Variants in LRTM3 observed in about 807,000 individuals in gnomAD.
LRTM3 encodes the protein leucine-rich repeat transmembrane protein 3.
the LRTM3 span, chr13:102,735,220 T>G: frequency 6.4e-7 from 1 of 1,551,372 alleles, no homozygotes; most frequent in Non-Finnish European, 8.7e-7. Context: ...TCAAATACAT[T>G]TTGTTGGGAT....
At chr13:102,743,707 A>G in the LRTM3 span, 2 of 1,549,116 alleles carry the variant, frequency 1.3e-6, no homozygotes, top group African/African-American at 2.8e-5. Flanking sequence ...TGTTGGATAC[A>G]GTTTTTAAAT....
At chr13:102,758,404 A>G in the LRTM3 span, 1 of 1,516,276 alleles carries the variant, frequency 6.6e-7, no homozygotes, top group Non-Finnish European at 8.9e-7. Context: ...GTGATATATC[A>G]CATACCTTTC....
chr13:102,736,996 A>T, the LRTM3 span: 1 of 1,551,146 alleles, frequency 6.4e-7, no homozygotes, highest in Non-Finnish European at 8.7e-7. Context: ...GTATTGTCAG[A>T]AACACATCCA....
chr13:102,740,531 C>A, the LRTM3 span: 6 of 1,549,508 alleles, frequency 3.9e-6, no homozygotes, highest in Non-Finnish European at 5.2e-6. Flanking sequence ...CCATTTTTGG[C>A]CTGTTTTGAG....
the LRTM3 span, chr13:102,738,426 T>A: frequency 6.4e-7 from 1 of 1,550,872 alleles, no homozygotes; most frequent in South Asian, 1.2e-5. Context: ...GGAGAAGGAA[T>A]GGAAGCGCAG....
chr13:102,735,664 T>C, the LRTM3 span: 1 of 1,551,332 alleles, frequency 6.4e-7, no homozygotes, highest in East Asian at 2.4e-5. Context: ...CTTTCTCTTC[T>C]CCCTGTGCTG....
chr13:102,757,272 A>C, the LRTM3 span, among the ~76,000 whole-genome samples: 1 of 152,248 alleles, frequency 6.6e-6, no homozygotes, highest in Admixed American at 6.5e-5. Flanking sequence ...TACCCAATAC[A>C]ACAATATAGC....
the LRTM3 span, chr13:102,730,848 C>T: frequency 6.4e-7 from 1 of 1,551,414 alleles, no homozygotes; most frequent in Non-Finnish European, 8.7e-7. Flanking sequence ...TATTGTAAAT[C>T]AAGATCTATT....
At chr13:102,742,457 G>T in the LRTM3 span, 1 of 1,548,552 alleles carries the variant, frequency 6.5e-7, no homozygotes, top group East Asian at 2.4e-5. Flanking sequence ...ATCTGCCCTT[G>T]TTTTCCAGTC....
the LRTM3 span, chr13:102,730,988 C>G: frequency 3.2e-6 from 5 of 1,551,466 alleles, no homozygotes; most frequent in Non-Finnish European, 4.4e-6. Flanking sequence ...ATAAGATTCT[C>G]TTACAATTCT....
the LRTM3 span, chr13:102,738,389 C>T: frequency 6.4e-7 from 1 of 1,550,802 alleles, no homozygotes; most frequent in African/African-American, 1.4e-5. Context: ...TGCTTTTTCT[C>T]TCCTTGTATC....
At chr13:102,730,497 C>T in the LRTM3 span, 2 of 1,551,408 alleles carry the variant, frequency 1.3e-6, no homozygotes, top group African/African-American at 1.4e-5. Context: ...TGAAACCATA[C>T]ATGATATTGT....
chr13:102,732,280 G>A, the LRTM3 span: 1 of 1,551,340 alleles, frequency 6.4e-7, no homozygotes, highest in Non-Finnish European at 8.7e-7. Flanking sequence ...ATATTCCTGA[G>A]ACATCTTTAC....
At chr13:102,749,232 G>T in the LRTM3 span, 1 of 1,550,604 alleles carries the variant, frequency 6.4e-7, no homozygotes, top group Non-Finnish European at 8.7e-7. Context: ...GGAACATTAA[G>T]ACTGAGTTTG....
the LRTM3 span, chr13:102,734,730 C>T: frequency 6.4e-7 from 1 of 1,550,944 alleles, no homozygotes; most frequent in Non-Finnish European, 8.7e-7. Context: ...ATTTCATTAC[C>T]TAAATGTGTT....
At chr13:102,732,064 T>C in the LRTM3 span, 2 of 1,551,422 alleles carry the variant, frequency 1.3e-6, no homozygotes, top group South Asian at 1.2e-5. Context: ...GTTTGTCCAC[T>C]GCAAAGGGCT....
chr13:102,737,942 TC>T, the LRTM3 span: 1 of 1,551,150 alleles, frequency 6.4e-7, no homozygotes. Context: ...TTTCCCTTGC[TC>T]TATGCCTACT....
the LRTM3 span, chr13:102,743,967 C>A: frequency 3.2e-5 from 49 of 1,550,394 alleles, no homozygotes; most frequent in Non-Finnish European, 4.2e-5. Context: ...ATATGACCAT[C>A]CAGATTTTGT....
the LRTM3 span, chr13:102,734,060 C>T: frequency 1.9e-6 from 3 of 1,551,364 alleles, no homozygotes; most frequent in East Asian, 4.9e-5. Flanking sequence ...CAGAACCACA[C>T]ATGCTTCATC....
Sources: gnomAD v4.1 joint callset for allele counts (sites outside exome capture counted in the v4.1 genomes callset) on GRCh38, gnomAD v4.1.1 for gene constraint, MANE v1.5 for transcripts, NCBI Gene and HGNC (gene_info 2026-07-23, HGNC 2026-07-21) for gene names.